The following CDC40 variants were observed in gnomAD, a reference collection of about 807,000 sequenced individuals.
CDC40 encodes the protein pre-mRNA-processing factor 17.
CDC40 carries 27 observed loss-of-function variants against 80.6 expected under a neutral mutation model. The ratio of observed to expected loss-of-function variants is 0.33; its 90% CI spans 0.25 to 0.46. The LOEUF (loss-of-function observed/expected upper bound fraction) is 0.46, where lower values mean the gene tolerates loss of function less well. Among genes scored for constraint, CDC40 ranks in the 20% least tolerant of loss-of-function variants. The probability of loss-of-function intolerance (pLI) is 1.00; values close to 1 mark genes in which losing one functional copy is unlikely to be tolerated. For missense variants in CDC40, 486 were observed against 694.1 expected, an observed-to-expected ratio of 0.70 and a Z score of 3.37; for synonymous variants, 221 against 232.6, an observed-to-expected ratio of 0.95 and a Z score of 0.45.
At chr6:110,220,204 A>C (rs1035103725) in intron 12 of CDC40, among the ~76,000 whole-genome samples, 1 of 152,026 alleles carries the variant, frequency 6.6e-6, no homozygotes. Flanking sequence ...CAGTAGGGGG[A>C]CTGAGCATAA....
At chr6:110,219,330 A>G (rs202080925) in intron 10 of CDC40, 34 bp from the exon 11 acceptor site, 2 of 979,790 alleles carry the variant, frequency 2.0e-6, no homozygotes, top group African/African-American at 1.6e-5. Flanking sequence ...GGTCAAATTT[A>G]TTTTACCTAT....
At chr6:110,188,066 A>AT (rs2114648510) in intron 1 of CDC40, among the ~76,000 whole-genome samples, 1 of 152,232 alleles carries the variant, frequency 6.6e-6, no homozygotes, top group East Asian at 1.9e-4. Flanking sequence ...ACTTACTTAT[A>AT]TTTTTTATTG....
chr6:110,215,262 T>G, intron 8 of CDC40, 24 bp from the exon 9 acceptor site: 1 of 1,597,434 alleles, frequency 6.3e-7, no homozygotes, highest in Non-Finnish European at 8.6e-7. Flanking sequence ...AATATTTCCA[T>G]GTGTTGTTTT....
chr6:110,210,736 A>G lies in CDC40; in HGVS notation c.660A>G (p.Thr220=). ...AGCAAAAAGAATTGGATGAAATCAC[A>G]GCAAAGAGGCAGAAAAAAGGAAAAC... ...EEEQKELDEI[T]AKRQKKGKQE... The change falls in exon 6 of 15, where the codon ACA becomes ACG. Residue 220 remains threonine (T), a synonymous_variant. Transcript: ENST00000307731. 2.5e-6 allele frequency: 4 copies of G among 1,582,218 alleles called. No individual in the cohort carries two copies. Among genetic ancestry groups the G allele is most frequent in the Non-Finnish European group, 3.4e-6 (4 of 1,166,354 alleles).
chr6:110,202,493 A>G (rs899339464), intron 3 of CDC40, among the ~76,000 whole-genome samples: 11 of 152,210 alleles, frequency 7.2e-5, no homozygotes, highest in African/African-American at 2.7e-4. Context: ...ACTTTTAAAG[A>G]CTTATTGTCT....
intron 3 of CDC40, among the ~76,000 whole-genome samples, chr6:110,202,170 C>T (rs1777501799): frequency 6.6e-6 from 1 of 152,132 alleles, no homozygotes; most frequent in African/African-American, 2.4e-5. Context: ...TAATTACATC[C>T]TACCAGTGGT....
chr6:110,189,808 T>G (rs1777320978), intron 1 of CDC40, among the ~76,000 whole-genome samples: 1 of 152,228 alleles, frequency 6.6e-6, no homozygotes, highest in African/African-American at 2.4e-5. Context: ...CCATCTGTTC[T>G]GTTTTTTACC....
At chr6:110,215,543 G>A (rs535178739) in intron 9 of CDC40, among the ~76,000 whole-genome samples, 2 of 152,204 alleles carry the variant, frequency 1.3e-5, no homozygotes, top group Non-Finnish European at 2.9e-5. Context: ...GTGAGACAGC[G>A]TGCTGCTGAG....
intron 10 of CDC40, among the ~76,000 whole-genome samples, chr6:110,218,821 ATTTT>A (rs71865877): frequency 1.5e-5 from 2 of 134,126 alleles, no homozygotes; most frequent in African/African-American, 2.8e-5. Context: ...ATATTCAGTG[ATTTT>A]TTTTTTTTTT....
intron 10 of CDC40, among the ~76,000 whole-genome samples, chr6:110,218,699 C>T (rs1056169708): frequency 6.6e-6 from 1 of 152,066 alleles, no homozygotes; most frequent in African/African-American, 2.4e-5. Context: ...ATTGGTATGG[C>T]TATAGACTAG....
intron 1 of CDC40, among the ~76,000 whole-genome samples, chr6:110,185,092 AT>A (rs1777247568): frequency 6.6e-6 from 1 of 152,128 alleles, no homozygotes; most frequent in Admixed American, 6.5e-5. Flanking sequence ...GTAATGAAAC[AT>A]TTTTTAAATG....
At chr6:110,220,670 T>C (rs7775237) in intron 12 of CDC40, among the ~76,000 whole-genome samples, 14,702 of 152,036 alleles carry the variant, frequency 0.097, 864 homozygotes, top group African/African-American at 0.16. Flanking sequence ...TGGTCTCGAT[T>C]TCCTGACCTT....
chr6:110,220,203 G>T (rs1777750587), intron 12 of CDC40, among the ~76,000 whole-genome samples: 1 of 152,058 alleles, frequency 6.6e-6, no homozygotes, highest in Non-Finnish European at 1.5e-5. Context: ...GCAGTAGGGG[G>T]ACTGAGCATA....
intron 1 of CDC40, 107 bp from the exon 2 acceptor site, chr6:110,193,075 A>G (rs1777372289): frequency 1.5e-6 from 1 of 656,592 alleles, no homozygotes; most frequent in Non-Finnish European, 2.7e-6. Flanking sequence ...ATGATAAGTT[A>G]TAACCATAAA....
chr6:110,193,192 A>G lies in CDC40; in HGVS notation c.200A>G (p.Glu67Gly). ...APEVAVKEDLETGVHLDPAVK... is the reference protein window; with the variant it reads ...APEVAVKEDLGTGVHLDPAVK... The stretch of plus-strand genomic sequence containing the variant: ...TGGTATTCTTTTTAGGAAGATTTGG[A>G]GACTGGAGTTCACCTTGACCCTGCC... The change falls in exon 2 of 15, where the codon GAG becomes GGG. Residue 67 changes from glutamate (E) to glycine (G), a missense_variant. Physicochemically the swap from Glu to Gly is moderately conservative, Grantham distance 98. Around this residue, in one of 3 missense-constraint regions of CDC40, gnomAD observed 381 missense variants for 492.1 expected, o/e 0.77. Transcript: ENST00000307731. 6.3e-7 allele frequency: 1 copy of G among 1,592,050 alleles called. No homozygotes were observed. The highest frequency in any genetic ancestry group is 8.6e-7 in the Non-Finnish European group (1 of 1,160,134).
intron 12 of CDC40, among the ~76,000 whole-genome samples, chr6:110,222,689 CCA>C (rs1455336993): frequency 6.6e-6 from 1 of 152,228 alleles, no homozygotes; most frequent in Admixed American, 6.5e-5. Context: ...CATTGGCTTT[CCA>C]CAGTTTTTAG....
intron 3 of CDC40, among the ~76,000 whole-genome samples, chr6:110,202,276 A>T (rs1777503318): frequency 6.6e-6 from 1 of 152,188 alleles, no homozygotes. Flanking sequence ...TAATAGACTT[A>T]GAATGTACCA....
At chr6:110,184,061 A>T (rs1451855547) in intron 1 of CDC40, among the ~76,000 whole-genome samples, 1 of 152,152 alleles carries the variant, frequency 6.6e-6, no homozygotes, top group Non-Finnish European at 1.5e-5. Flanking sequence ...TGCTTGTTTG[A>T]GAAATCCTTA....
At chr6:110,206,232 G>C (rs930416899) in intron 3 of CDC40, among the ~76,000 whole-genome samples, 1 of 152,056 alleles carries the variant, frequency 6.6e-6, no homozygotes, top group Non-Finnish European at 1.5e-5. Flanking sequence ...ACACCTCCCC[G>C]GTTCACACCA....
Sources: allele counts gnomAD v4.1 joint callset (sites outside exome capture counted in the v4.1 genomes callset), GRCh38; gene constraint gnomAD v4.1.1; regional missense constraint gnomAD v4.1.1; transcripts MANE v1.5; gene names NCBI Gene and HGNC (gene_info 2026-07-23, HGNC 2026-07-21).